The following HAAO variants were observed in gnomAD, a reference collection of about 807,000 sequenced individuals.
HAAO encodes the protein 3-hydroxyanthranilate 3,4-dioxygenase, also known as 3-hydroxyanthranilate oxygenase.
Under a neutral mutation model 46.2 loss-of-function variants are expected in HAAO, and 49 were observed. The ratio of observed to expected loss-of-function variants is 1.06; its 90% CI spans 0.84 to 1.34. The LOEUF is 1.34. HAAO is among the 40% of genes most tolerant of loss of function. The probability of loss-of-function intolerance (pLI) is 0.00; values close to 1 mark genes in which losing one functional copy is unlikely to be tolerated. For missense variants in HAAO, 408 were observed against 364.5 expected, an observed-to-expected ratio of 1.12 and a Z score of -0.97; for synonymous variants, 157 against 145.2, an observed-to-expected ratio of 1.08 and a Z score of -0.58.
intron 1 of HAAO, chr2:42,788,869 A>G (rs1180120358): frequency 1.6e-5 from 7 of 443,722 alleles, no homozygotes; most frequent in African/African-American, 1.4e-4. Context: ...AACAAGGGAA[A>G]TGATGTGGTG....
intron 4 of HAAO, among the ~76,000 whole-genome samples, chr2:42,777,908 A>G (rs995758390): frequency 2.0e-5 from 3 of 152,190 alleles, no homozygotes; most frequent in Non-Finnish European, 4.4e-5. Context: ...AGGAAGCAGG[A>G]AATAAAAGAC....
chr2:42,790,167 G>A (rs1672681880), intron 1 of HAAO, among the ~76,000 whole-genome samples: 1 of 152,194 alleles, frequency 6.6e-6, no homozygotes, highest in African/African-American at 2.4e-5. Context: ...GAGGCATGGA[G>A]GCAAGACGGA....
chr2:42,787,849 C>G (rs1672502268), intron 2 of HAAO, among the ~76,000 whole-genome samples: 1 of 152,114 alleles, frequency 6.6e-6, no homozygotes, highest in African/African-American at 2.4e-5. Flanking sequence ...TTAAATTTTG[C>G]TTTTGTTTAT....
intron 4 of HAAO, among the ~76,000 whole-genome samples, chr2:42,773,401 G>T (rs1478929080): frequency 6.6e-6 from 1 of 152,044 alleles, no homozygotes; most frequent in African/African-American, 2.4e-5. Context: ...CTAAATTCTG[G>T]GGGGAAGCAG....
chr2:42,768,119 C>T (rs1055125245), intron 7 of HAAO, among the ~76,000 whole-genome samples, 191 bp from the exon 8 acceptor site: 1 of 152,220 alleles, frequency 6.6e-6, no homozygotes, highest in African/African-American at 2.4e-5. Flanking sequence ...TCCCTGTGCC[C>T]GCCGCTGCAA....
chr2:42,783,718 G>A, intron 3 of HAAO, 66 bp downstream of exon 3: 1 of 1,383,442 alleles, frequency 7.2e-7, no homozygotes, highest in South Asian at 1.2e-5. Context: ...GCCAGGATGA[G>A]TGGACAGGGC....
At chr2:42,790,545 T>G (rs59491387) in intron 1 of HAAO, among the ~76,000 whole-genome samples, 2 of 76,768 alleles carry the variant, frequency 2.6e-5, no homozygotes, top group Non-Finnish European at 4.8e-5. Context: ...TTTTTTTTTT[T>G]TTTTTCAGAT....
chr2:42,780,920 A>G (rs1276137180), intron 4 of HAAO, among the ~76,000 whole-genome samples: 2 of 150,940 alleles, frequency 1.3e-5, no homozygotes, highest in Non-Finnish European at 3.0e-5. Context: ...ACAAAAAAAA[A>G]AAAAAAATTT....
At chr2:42,773,222 A>G (rs1473879714) in intron 4 of HAAO, among the ~76,000 whole-genome samples, 1 of 152,238 alleles carries the variant, frequency 6.6e-6, no homozygotes, top group Non-Finnish European at 1.5e-5. Flanking sequence ...CTTCTTTGTA[A>G]TGATAACAGC....
chr2:42,774,188 C>T (rs1671366258), intron 4 of HAAO, among the ~76,000 whole-genome samples: 1 of 152,200 alleles, frequency 6.6e-6, no homozygotes, highest in African/African-American at 2.4e-5. Flanking sequence ...TCAACAGGAC[C>T]TCCTGAGGCT....
At chr2:42,790,991 C>T (rs750946216) in intron 1 of HAAO, among the ~76,000 whole-genome samples, 10 of 152,284 alleles carry the variant, frequency 6.6e-5, no homozygotes, top group Non-Finnish European at 1.3e-4. Flanking sequence ...AGCTTCTCAC[C>T]TTGCTTGCTT....
intron 4 of HAAO, among the ~76,000 whole-genome samples, chr2:42,772,175 G>T (rs567208353): frequency 6.6e-6 from 1 of 152,212 alleles, no homozygotes; most frequent in African/African-American, 2.4e-5. Context: ...TTTTTGAAAA[G>T]ATTTAATAGT....
At chr2:42,786,578 G>A (rs909370721) in intron 2 of HAAO, among the ~76,000 whole-genome samples, 1 of 152,192 alleles carries the variant, frequency 6.6e-6, no homozygotes, top group African/African-American at 2.4e-5. Flanking sequence ...TTGTCCCCAT[G>A]TGCTTATGGA....
rs370595257 is a variant in HAAO at position 42,788,613 on chromosome 2, A to G, written c.81-6T>C. ...CTTTGAGCTGCTCCTGGTGCCTGCA[A>G]TGCGCAAAGTGGGGGAGACGTTCTA... is the stretch of plus-strand genomic sequence containing the variant. On this transcript the variant is annotated splice_region_variant and splice_polypyrimidine_tract_variant and intron_variant, in intron 1 of 9. Transcript: ENST00000294973. The G allele has an allele frequency of 9.3e-6, 14 of 1,502,596 alleles. No individual in the cohort carries two copies. The African/African-American group carries it at 1.4e-4, about 15-fold the overall frequency. The allele number at this position is 1,502,596 out of a possible 1,614,324, so 93.1% of individuals were successfully genotyped here.
At chr2:42,780,229 G>T (rs1298916555) in intron 4 of HAAO, among the ~76,000 whole-genome samples, 6 of 99,526 alleles carry the variant, frequency 6.0e-5, no homozygotes, top group African/African-American at 2.0e-4. Flanking sequence ...TTTTTTTTAA[G>T]ATGGAGTCTC....
chr2:42,771,496 G>C (rs1671116155), intron 4 of HAAO, among the ~76,000 whole-genome samples: 1 of 152,004 alleles, frequency 6.6e-6, no homozygotes, highest in Non-Finnish European at 1.5e-5. Context: ...CCCAGTTTAG[G>C]GGTTCTTCTT....
chr2:42,775,213 C>T (rs148174020), intron 4 of HAAO, among the ~76,000 whole-genome samples: 2,495 of 135,220 alleles, frequency 0.018, 24 homozygotes, highest in Middle Eastern at 0.07. Flanking sequence ...CACCACTACA[C>T]TTCAGCCTGG....
intron 6 of HAAO, 31 bp from the exon 7 acceptor site, chr2:42,769,889 C>A (rs1670975514): frequency 1.3e-6 from 2 of 1,572,600 alleles, no homozygotes; most frequent in Non-Finnish European, 1.7e-6. Flanking sequence ...TAGTCGGTGT[C>A]CTCAGGACCC....
chr2:42,782,327 G>A (rs1189561289), intron 4 of HAAO, among the ~76,000 whole-genome samples: 6 of 152,072 alleles, frequency 3.9e-5, no homozygotes, highest in African/African-American at 9.7e-5. Flanking sequence ...GGTCTATATC[G>A]ATTTTCCAGG....
Sources: gnomAD v4.1 joint callset for allele counts (sites outside exome capture counted in the v4.1 genomes callset) on GRCh38, gnomAD v4.1.1 for gene constraint, MANE v1.5 for transcripts, NCBI Gene and HGNC (gene_info 2026-07-23, HGNC 2026-07-21) for gene names.